Variants in NEGR1 observed in about 807,000 individuals in gnomAD.
NEGR1 encodes neuronal growth regulator 1, also known as IgLON family member 4.
A neutral mutation model predicts 40.9 loss-of-function variants in NEGR1; 10 were observed. That is an observed-to-expected ratio of 0.24 (90% CI 0.15 to 0.42). The LOEUF is 0.42. Ranked by LOEUF, NEGR1 falls within the 10% of genes least tolerant of loss-of-function variation. The pLI is 1.00. For missense variants in NEGR1, 352 were observed against 438.9 expected, an observed-to-expected ratio of 0.80 and a Z score of 1.77; for synonymous variants, 185 against 166.8, an observed-to-expected ratio of 1.11 and a Z score of -0.84.
At chr1:72,180,785 C>A (rs1417883942) in intron 1 of NEGR1, among the ~76,000 whole-genome samples, 1 of 152,070 alleles carries the variant, frequency 6.6e-6, no homozygotes, top group Non-Finnish European at 1.5e-5. Flanking sequence ...TTAGAATGGC[C>A]ACTAACAAAA....
At chr1:71,948,536 G>A (rs997822260) in intron 1 of NEGR1, among the ~76,000 whole-genome samples, 1 of 151,274 alleles carries the variant, frequency 6.6e-6, no homozygotes, top group Non-Finnish European at 1.5e-5. Context: ...TATTTGGTAC[G>A]AAAATGGACA....
At chr1:71,520,882 C>CA in intron 6 of NEGR1, among the ~76,000 whole-genome samples, 1 of 152,082 alleles carries the variant, frequency 6.6e-6, no homozygotes, top group Middle Eastern at 3.4e-3. Flanking sequence ...TACTTGCCAC[C>CA]AAATGCCTTC....
chr1:71,820,405 T>C (rs1204623081), intron 2 of NEGR1, among the ~76,000 whole-genome samples: 1 of 152,024 alleles, frequency 6.6e-6, no homozygotes, highest in Non-Finnish European at 1.5e-5. Context: ...TAAGTGTACA[T>C]GATAATGATT....
chr1:72,107,510 C>T (rs1404827919), intron 1 of NEGR1, among the ~76,000 whole-genome samples: 1 of 151,498 alleles, frequency 6.6e-6, no homozygotes, highest in African/African-American at 2.4e-5. Flanking sequence ...TTTCTAATTT[C>T]ATTTCAAAGA....
chr1:71,949,405 C>A (rs1325715895), intron 1 of NEGR1, among the ~76,000 whole-genome samples: 1 of 152,076 alleles, frequency 6.6e-6, no homozygotes, highest in Non-Finnish European at 1.5e-5. Flanking sequence ...AATTATTGTC[C>A]TGCTAAACTG....
intron 2 of NEGR1, among the ~76,000 whole-genome samples, chr1:71,864,038 G>C (rs898061641): frequency 1.2e-4 from 19 of 152,138 alleles, no homozygotes; most frequent in African/African-American, 4.3e-4. Context: ...CATATACTAT[G>C]TCACATCTCT....
chr1:72,257,326 A>C (rs947259753), intron 1 of NEGR1, among the ~76,000 whole-genome samples: 1 of 149,898 alleles, frequency 6.7e-6, no homozygotes, highest in African/African-American at 2.4e-5. Flanking sequence ...TGTCTCAAAA[A>C]AAAAAAAAAA....
At chr1:71,657,728 C>T (rs1283286144) in intron 4 of NEGR1, among the ~76,000 whole-genome samples, 2 of 152,264 alleles carry the variant, frequency 1.3e-5, no homozygotes, top group South Asian at 2.1e-4. Context: ...TGGTTTGATC[C>T]TCCCTGGTGA....
intron 2 of NEGR1, among the ~76,000 whole-genome samples, chr1:71,809,173 T>C (rs2101759479): frequency 6.6e-6 from 1 of 152,278 alleles, no homozygotes; most frequent in Non-Finnish European, 1.5e-5. Context: ...AATTTATTCG[T>C]GTTGCAAAAG....
At chr1:72,268,858 C>A (rs1173221933) in intron 1 of NEGR1, among the ~76,000 whole-genome samples, 2 of 151,102 alleles carry the variant, frequency 1.3e-5, no homozygotes, top group African/African-American at 2.4e-5. Context: ...GGTTTAAGAA[C>A]GCGAAGAAGG....
At chr1:72,107,587 G>A (rs1257487221) in intron 1 of NEGR1, among the ~76,000 whole-genome samples, 6 of 151,358 alleles carry the variant, frequency 4.0e-5, no homozygotes, top group Non-Finnish European at 7.4e-5. Flanking sequence ...ATTAAAAAAT[G>A]TTTTGTTATC....
intron 6 of NEGR1, among the ~76,000 whole-genome samples, chr1:71,464,883 A>C (rs755218639): frequency 7.9e-5 from 12 of 152,128 alleles, no homozygotes; most frequent in Non-Finnish European, 1.5e-5. Flanking sequence ...AATTAGTTGA[A>C]GTAACAAAGG....
intron 4 of NEGR1, among the ~76,000 whole-genome samples, chr1:71,613,686 A>G (rs1254965070): frequency 1.3e-5 from 2 of 152,010 alleles, no homozygotes; most frequent in Non-Finnish European, 2.9e-5. Flanking sequence ...TTGGAGGGAA[A>G]CATTAGGAGT....
chr1:71,800,831 T>C (rs959061598), intron 2 of NEGR1, among the ~76,000 whole-genome samples: 8 of 152,184 alleles, frequency 5.3e-5, no homozygotes, highest in Non-Finnish European at 1.0e-4. Context: ...GCATGTGTTA[T>C]AGTTCTTCAA....
chr1:71,434,953 T>C (rs541306397), intron 6 of NEGR1, among the ~76,000 whole-genome samples: 2 of 151,996 alleles, frequency 1.3e-5, no homozygotes, highest in East Asian at 1.9e-4. Flanking sequence ...TAGCCCGGCA[T>C]AGTGGCGGGC....
intron 4 of NEGR1, among the ~76,000 whole-genome samples, chr1:71,688,000 T>C (rs138810749): frequency 5.0e-4 from 76 of 152,182 alleles, no homozygotes; most frequent in African/African-American, 1.6e-3. Flanking sequence ...TGTAGAATTG[T>C]AGGTGTGCAT....
chr1:72,013,737 CTT>C (rs1401007786), intron 1 of NEGR1, among the ~76,000 whole-genome samples: 1 of 151,358 alleles, frequency 6.6e-6, no homozygotes, highest in Non-Finnish European at 1.5e-5. Flanking sequence ...AGTTAAAAAA[CTT>C]TATTCTGGTT....
At chr1:71,649,380 C>A (rs1570150292) in intron 4 of NEGR1, among the ~76,000 whole-genome samples, 1 of 152,010 alleles carries the variant, frequency 6.6e-6, no homozygotes, top group South Asian at 2.1e-4. Context: ...CAAAGATGTA[C>A]ATAAGAGCAA....
intron 2 of NEGR1, among the ~76,000 whole-genome samples, chr1:71,900,153 T>C (rs2101862289): frequency 6.6e-6 from 1 of 152,322 alleles, no homozygotes; most frequent in Non-Finnish European, 1.5e-5. Flanking sequence ...GTCTGTTTTA[T>C]GGGGATTTCC....
Sources: allele counts gnomAD v4.1 joint callset (sites outside exome capture counted in the v4.1 genomes callset), GRCh38; gene constraint gnomAD v4.1.1; transcripts MANE v1.5; gene names NCBI Gene and HGNC (gene_info 2026-07-23, HGNC 2026-07-21).